The following SEPTIN3 variants were observed in gnomAD, a reference collection of about 807,000 sequenced individuals.
SEPTIN3 encodes the protein septin 3, also known as neuronal-specific septin-3.
In SEPTIN3, 15 loss-of-function variants were observed where a neutral mutation model predicts 45.1. That is an observed-to-expected ratio of 0.33 (90% CI 0.22 to 0.51). The LOEUF (loss-of-function observed/expected upper bound fraction) is 0.51. Among genes scored for constraint, SEPTIN3 ranks in the 20% least tolerant of loss-of-function variants. SEPTIN3 has a pLI of 0.97. For synonymous variants in SEPTIN3, 148 were observed against 164.8 expected (o/e 0.90, Z 0.78); for missense variants, 289 against 457.2 (o/e 0.63, Z 3.35).
chr22:41,989,667 T>A lies in SEPTIN3; in HGVS notation c.2146T>A (p.Ser716Thr). The change falls in exon 7 of 12, where the codon TCT (serine) becomes ACT (threonine). Residue 716 changes from serine (S) to threonine (T), a missense_variant. Around this residue, in one of 3 missense-constraint regions of SEPTIN3, gnomAD observed 200 missense variants for 315.1 expected, o/e 0.63. Coordinates refer to ENST00000644076, the MANE Select transcript of SEPTIN3 (RefSeq NM_001363845.2). ...TGACACCATGACCCTGGAGGAGAAG[T>A]CTGAATTCAAGCAAAGGGTGAGAAG... ...KADTMTLEEK[S>T]EFKQRVRKEL... 5.6e-6 allele frequency: 9 copies of A among 1,611,638 alleles called. No homozygotes were observed. The highest frequency in any genetic ancestry group is 7.6e-6 in the Non-Finnish European group (9 of 1,177,850).
chr22:41,992,719 G>A lies in SEPTIN3; in HGVS notation c.2315G>A (p.Gly772Asp), dbSNP rs1348918542. ...AGTGACAAGGAGTACCAAGTGAATG[G>A]CAAGAGGGTCCTCGGCCGAAAAACT... ...VGSDKEYQVN[G>D]KRVLGRKTPW... Residue 772 changes from glycine (G) to aspartate (D), a missense_variant, in exon 9 of 12, where the codon GGC (glycine) becomes GAC (aspartate). Gly to Asp is a moderately conservative substitution (Grantham distance 94). This residue lies in a region of SEPTIN3 where 84 missense variants were observed against 114.7 expected (regional missense o/e 0.73). Transcript: ENST00000644076. 6.2e-7 allele frequency: 1 copy of A among 1,612,676 alleles called. No individual in the cohort carries two copies. The highest frequency in any genetic ancestry group is 1.1e-5 in the South Asian group (1 of 90,584).
chr22:41,973,041 G>A (rs145625166), intron 2 of SEPTIN3, 45 bp downstream of exon 2: 20 of 398,626 alleles, frequency 5.0e-5, no homozygotes, highest in Non-Finnish European at 4.4e-6. Context: ...CTGCCGGGAG[G>A]GGGAGGTGTG....
rs1474139107 is a variant in SEPTIN3 at position 41,997,164 on chromosome 22, G to T, written c.*197G>T. ...AAACCACTCCTCTCCTCCCAGTGGAGTGGGGTTCTGCCAGTACAGCCCTAC... is the reference window on the plus strand; with the variant it reads ...AAACCACTCCTCTCCTCCCAGTGGATTGGGGTTCTGCCAGTACAGCCCTAC... On this transcript the variant is annotated 3_prime_UTR_variant, in exon 12 of 12. Transcript: ENST00000644076. 9.5e-7 allele frequency: 1 copy of T among 1,049,828 alleles called. No individual in the cohort carries two copies. Among genetic ancestry groups the T allele is most frequent in the African/African-American group, 1.6e-5 (1 of 62,194 alleles). 65.0% of individuals were successfully genotyped at this position (1,049,828 alleles called of 1,614,324 possible).
chr22:41,972,301 C>G lies in SEPTIN3; in HGVS notation c.809C>G (p.Ala270Gly). The G allele has an allele frequency of 2.5e-6, 1 of 399,186 alleles. No individual in the cohort carries two copies. The highest frequency in any genetic ancestry group is 4.4e-6 in the Non-Finnish European group (1 of 226,144). 24.7% of individuals were successfully genotyped at this position (399,186 alleles called of 1,614,324 possible). A position where few individuals can be genotyped will look rare whatever the true frequency, so the allele number is the denominator to read the frequency against. Residue 270 changes from alanine to glycine, a missense_variant, in exon 2 of 12, where the codon GCC becomes GGC. This residue lies in a region of SEPTIN3 where 200 missense variants were observed against 315.1 expected (regional missense o/e 0.63). Transcript: ENST00000644076. ...DTRTDAARHL[A>G]TMATNRPSLA... ...AGGACAGACGCAGCCAGACATTTAG[C>G]CACAATGGCCACCAACAGACCTAGC...
intron 2 of SEPTIN3, among the ~76,000 whole-genome samples, chr22:41,974,758 A>G (rs2077998701): frequency 6.7e-6 from 1 of 149,140 alleles, no homozygotes; most frequent in African/African-American, 2.5e-5. Context: ...GTGTAGGCTG[A>G]GACAGAGAAT....
At chr22:41,993,943 C>T (rs547357373) in intron 9 of SEPTIN3, among the ~76,000 whole-genome samples, 12 of 152,284 alleles carry the variant, frequency 7.9e-5, no homozygotes, top group East Asian at 5.8e-4. Flanking sequence ...TACTTCCAAC[C>T]GGATTATAAG....
chr22:41,977,088 C>T (rs756507969), intron 2 of SEPTIN3: 4 of 1,594,902 alleles, frequency 2.5e-6, no homozygotes, highest in Non-Finnish European at 1.7e-6. Context: ...GGGCGGCCGG[C>T]CAGGCCACCG....
At chr22:41,982,527 CAA>C (rs558202728) in intron 3 of SEPTIN3, among the ~76,000 whole-genome samples, 134 of 149,532 alleles carry the variant, frequency 9.0e-4, no homozygotes, top group South Asian at 1.7e-3. Context: ...AAACAAAAAA[CAA>C]AAAAGATTTT....
chr22:41,982,068 T>C, intron 3 of SEPTIN3: 1 of 556,408 alleles, frequency 1.8e-6, no homozygotes, highest in South Asian at 2.2e-5. Context: ...ACCAGCTCGG[T>C]GTACACAGGC....
Position 41,972,760 on chromosome 22 carries a change from C to A in SEPTIN3, c.1268C>A (p.Ser423Tyr). 2.5e-6 allele frequency: 1 copy of A among 399,122 alleles called. No homozygotes were observed. Among genetic ancestry groups the A allele is most frequent in the Non-Finnish European group, 4.4e-6 (1 of 226,134 alleles). The allele number at this position is 399,122 out of a possible 1,614,324, so 24.7% of individuals were successfully genotyped here. ...NRAKLGTAKNSLALDTSRMGT... is the reference protein window; with the variant it reads ...NRAKLGTAKNYLALDTSRMGT... Reference sequence around the variant, plus strand: ...GCCAAGCTGGGCACGGCTAAGAATTCTCTTGCTTTGGACACAAGCAGGATG... The same window carrying A: ...GCCAAGCTGGGCACGGCTAAGAATTATCTTGCTTTGGACACAAGCAGGATG... The change falls in exon 2 of 12, where the codon TCT becomes TAT. Residue 423 changes from serine (S) to tyrosine (Y), a missense_variant. Coordinates refer to ENST00000644076, the MANE Select transcript of SEPTIN3 (RefSeq NM_001363845.2).
At chr22:41,978,562 A>C (rs1340581894) in intron 2 of SEPTIN3, among the ~76,000 whole-genome samples, 1 of 152,236 alleles carries the variant, frequency 6.6e-6, no homozygotes, top group East Asian at 1.9e-4. Context: ...AGTTGTAGGG[A>C]CAGAGGATGG....
Position 41,997,112 on chromosome 22 carries a change from T to C in SEPTIN3, c.*145T>C. ...AGGTGGGAGGGGCCAGCTGCCTCTTTAGGCCAGTTGCATCCTCCATTTATC... is the reference window on the plus strand; with the variant it reads ...AGGTGGGAGGGGCCAGCTGCCTCTTCAGGCCAGTTGCATCCTCCATTTATC... On this transcript the variant is annotated 3_prime_UTR_variant, in exon 12 of 12. Coordinates refer to ENST00000644076, the MANE Select transcript of SEPTIN3 (RefSeq NM_001363845.2). 2 of 1,457,208 alleles carry C rather than the reference T, an allele frequency of 1.4e-6. No individual in the cohort carries two copies. The highest frequency in any genetic ancestry group is 1.8e-6 in the Non-Finnish European group (2 of 1,087,728). 90.3% of individuals were successfully genotyped at this position (1,457,208 alleles called of 1,614,324 possible).
chr22:41,978,893 TGGAGGA>T lies in SEPTIN3; in HGVS notation c.1505-2719_1505-2714del, dbSNP rs71184852. On this transcript the variant is annotated intron_variant, in intron 2 of 11. Coordinates refer to ENST00000644076, the MANE Select transcript of SEPTIN3 (RefSeq NM_001363845.2). ...TGGGAGTAGCAGTGGGGCTGAATGC[TGGAGGA>T]GGAGGAGGAGGAGGAGGAGGAGGAG... Among the ~76,000 whole-genome samples, 343 of 120,388 alleles carry T rather than the reference TGGAGGA, an allele frequency of 2.8e-3. 1 individual carries two copies. The highest frequency in any genetic ancestry group is 8.6e-3 in the African/African-American group (277 of 32,244). 79.0% of individuals were successfully genotyped at this position (120,388 alleles called of 152,430 possible).
At chr22:41,991,726 T>C in intron 8 of SEPTIN3, 58 bp downstream of exon 8, 1 of 1,118,266 alleles carries the variant, frequency 8.9e-7, no homozygotes, top group Non-Finnish European at 1.4e-6. Context: ...CTGGGATGTG[T>C]ATTGTGCACG....
chr22:41,995,474 G>A (rs1180523213), intron 11 of SEPTIN3: 24 of 985,450 alleles, frequency 2.4e-5, no homozygotes, highest in African/African-American at 3.5e-5. Context: ...GCCACTGCCT[G>A]TCTCTGCTTC....
chr22:41,977,636 G>T (rs1569436613), intron 2 of SEPTIN3, among the ~76,000 whole-genome samples: 1 of 151,616 alleles, frequency 6.6e-6, no homozygotes. Flanking sequence ...AATTGCCTTT[G>T]TGGGGGGCGG....
rs1220606074 is a variant in SEPTIN3 at position 41,969,629 on chromosome 22, G to C, written c.-68G>C. The C allele has an allele frequency of 6.6e-6, 1 of 151,454 alleles. No homozygotes were observed. Among genetic ancestry groups the C allele is most frequent in the African/African-American group, 2.4e-5 (1 of 41,090 alleles). 9.4% of individuals were successfully genotyped at this position (151,454 alleles called of 1,614,324 possible). A position where few individuals can be genotyped will look rare whatever the true frequency, so the allele number is the denominator to read the frequency against. ...TGCAGGGGAGGTGAGGGGCCTGCGT[G>C]TGCCTTATCTTCCCAGACACACTGG... On this transcript the variant is annotated 5_prime_UTR_variant, in exon 1 of 12. Coordinates refer to ENST00000644076, the MANE Select transcript of SEPTIN3 (RefSeq NM_001363845.2).
intron 3 of SEPTIN3, among the ~76,000 whole-genome samples, chr22:41,984,818 T>C (rs531994325): frequency 7.5e-4 from 110 of 146,114 alleles, no homozygotes; most frequent in African/African-American, 2.7e-3. Context: ...CATGAGCCAC[T>C]GCACCTGGCC....
intron 3 of SEPTIN3, among the ~76,000 whole-genome samples, chr22:41,985,432 GGT>G (rs2078189866): frequency 6.6e-6 from 1 of 152,154 alleles, no homozygotes; most frequent in Non-Finnish European, 1.5e-5. Flanking sequence ...TTGAGTTCCT[GGT>G]CTTGCATGTA....
Sources: allele counts gnomAD v4.1 joint callset (sites outside exome capture counted in the v4.1 genomes callset), GRCh38; gene constraint gnomAD v4.1.1; regional missense constraint gnomAD v4.1.1; transcripts MANE v1.5; gene names NCBI Gene and HGNC (gene_info 2026-07-23, HGNC 2026-07-21).